PIBF1: variants seen among roughly 807,000 people sequenced by gnomAD.
PIBF1 encodes the protein progesterone-induced-blocking factor 1.
PIBF1 carries 90 observed loss-of-function variants against 112.5 expected under a neutral mutation model. The observed-to-expected ratio is 0.80, with a 90% CI of 0.67 to 0.95. PIBF1 has a LOEUF of 0.95. Ranked by LOEUF, PIBF1 falls within the 40% of genes least tolerant of loss-of-function variation. The pLI, the probability that PIBF1 is intolerant of heterozygous loss-of-function variation, is 0.00. For synonymous variants in PIBF1, 301 were observed against 288.6 expected, an observed-to-expected ratio of 1.04 and a Z score of -0.44; for missense variants, 915 against 852.3, an observed-to-expected ratio of 1.07 and a Z score of -0.92.
chr13:72,990,749 G>A (rs573109701), intron 16 of PIBF1, among the ~76,000 whole-genome samples: 4 of 151,720 alleles, frequency 2.6e-5, no homozygotes, highest in African/African-American at 9.7e-5. Context: ...TCAGGAGACT[G>A]AGGTAGGAGA....
At chr13:72,839,781 G>A (rs1277235710) in intron 9 of PIBF1, among the ~76,000 whole-genome samples, 1 of 152,134 alleles carries the variant, frequency 6.6e-6, no homozygotes, top group Non-Finnish European at 1.5e-5. Flanking sequence ...AAATGTGGTT[G>A]GTAGGGGTAG....
chr13:72,937,508 C>T lies in PIBF1; in HGVS notation c.1833+6241C>T, dbSNP rs563780002. On this transcript the variant is annotated intron_variant, in intron 14 of 17. Coordinates refer to ENST00000326291, the MANE Select transcript of PIBF1 (RefSeq NM_006346.4). ...ACATATAAACTCCCATACTACATTACTGCTATTATTACTTAAACAGTGATA... is the reference window on the plus strand; with the variant it reads ...ACATATAAACTCCCATACTACATTATTGCTATTATTACTTAAACAGTGATA... Among the ~76,000 whole-genome samples the T allele has an allele frequency of 3.9e-5, 6 of 152,248 alleles. No homozygotes were observed. The East Asian group carries it at 9.7e-4, about 25-fold the overall frequency.
chr13:72,979,953 A>G (rs2043116366), intron 16 of PIBF1, among the ~76,000 whole-genome samples: 1 of 152,142 alleles, frequency 6.6e-6, no homozygotes, highest in Admixed American at 6.6e-5. Flanking sequence ...ATTAAGAAGC[A>G]TAATCACGGT....
At chr13:72,914,167 T>C (rs555754758) in intron 12 of PIBF1, among the ~76,000 whole-genome samples, 41 of 152,334 alleles carry the variant, frequency 2.7e-4, no homozygotes, top group Middle Eastern at 6.8e-3. Context: ...AGGCTTGCCA[T>C]TTAATTCGGG....
At chr13:72,851,065 C>T (rs1226242926) in intron 9 of PIBF1, among the ~76,000 whole-genome samples, 1 of 152,174 alleles carries the variant, frequency 6.6e-6, no homozygotes, top group Non-Finnish European at 1.5e-5. Context: ...ATATTGATGG[C>T]AGCAGCGGCC....
At position 72,827,211 on chromosome 13, in the gene PIBF1, G is replaced by A. The variant is rs74477920; in HGVS notation, c.915+93G>A. The A allele has an allele frequency of 4.6e-3, 1,228 of 267,346 alleles. 13 individuals are homozygous for A. The highest frequency in any genetic ancestry group is 0.034 in the African/African-American group (1,155 of 34,262). The allele number at this position is 267,346 out of a possible 1,614,324, so 16.6% of individuals were successfully genotyped here. ...GATTTGAAGGAGAGACATTTTTTTT[G>A]TTATGTAGTTCCTCCCAAAAAGATA... On this transcript the variant is annotated intron_variant, in intron 7 of 17. Transcript: ENST00000326291.
intron 14 of PIBF1, among the ~76,000 whole-genome samples, chr13:72,960,120 T>A (rs2042565565): frequency 2.0e-5 from 3 of 152,208 alleles, no homozygotes; most frequent in Non-Finnish European, 4.4e-5. Context: ...ACAAACAGGT[T>A]TATAAAGAAA....
intron 10 of PIBF1, among the ~76,000 whole-genome samples, chr13:72,855,645 T>G: frequency 6.6e-6 from 1 of 151,982 alleles, no homozygotes; most frequent in African/African-American, 2.4e-5. Flanking sequence ...TGAGACTCTG[T>G]CTCAAAAAAA....
chr13:72,972,073 C>A (rs983523329), intron 15 of PIBF1, among the ~76,000 whole-genome samples: 5 of 151,590 alleles, frequency 3.3e-5, no homozygotes, highest in African/African-American at 4.9e-5. Flanking sequence ...CTCACTCTGT[C>A]TCCCAGGCTG....
chr13:72,967,023 C>T (rs563163741), intron 15 of PIBF1, among the ~76,000 whole-genome samples: 1 of 151,416 alleles, frequency 6.6e-6, no homozygotes, highest in East Asian at 2.0e-4. Context: ...ATAACCTCTG[C>T]CTCCCGGGTT....
intron 9 of PIBF1, among the ~76,000 whole-genome samples, chr13:72,846,081 C>T (rs561036526): frequency 6.6e-6 from 1 of 152,218 alleles, no homozygotes; most frequent in African/African-American, 2.4e-5. Context: ...GTTGGTTCCT[C>T]CTCATCTTCT....
chr13:72,793,714 G>A (rs2035051000), intron 3 of PIBF1, among the ~76,000 whole-genome samples: 1 of 152,204 alleles, frequency 6.6e-6, no homozygotes, highest in South Asian at 2.1e-4. Context: ...TTGGAGGGCT[G>A]ATGGATTCAA....
chr13:72,946,895 G>A (rs1264054824), intron 14 of PIBF1, among the ~76,000 whole-genome samples: 1 of 152,204 alleles, frequency 6.6e-6, no homozygotes. Flanking sequence ...GGCTGGCAGT[G>A]TCTACAACTT....
intron 5 of PIBF1, among the ~76,000 whole-genome samples, chr13:72,819,684 A>G (rs1015415100): frequency 6.6e-5 from 10 of 152,060 alleles, no homozygotes; most frequent in Non-Finnish European, 1.2e-4. Context: ...TCGACAATGT[A>G]TATAAAATAG....
chr13:72,789,939 G>A (rs1363500699), intron 2 of PIBF1, among the ~76,000 whole-genome samples: 1 of 152,100 alleles, frequency 6.6e-6, no homozygotes, highest in Non-Finnish European at 1.5e-5. Context: ...GTAATTATAA[G>A]GAATGTGTTT....
At chr13:72,975,249 T>C (rs1375196224) in intron 16 of PIBF1, among the ~76,000 whole-genome samples, 1 of 152,076 alleles carries the variant, frequency 6.6e-6, no homozygotes, top group Non-Finnish European at 1.5e-5. Context: ...GAGACTGGGT[T>C]TCGGCATGGT....
chr13:72,977,000 C>T (rs912824454), intron 16 of PIBF1, among the ~76,000 whole-genome samples: 1 of 152,068 alleles, frequency 6.6e-6, no homozygotes, highest in Non-Finnish European at 1.5e-5. Context: ...TGCTTCTTTA[C>T]CTAAGGCCGC....
At chr13:72,904,846 A>C (rs1032286445) in intron 11 of PIBF1, among the ~76,000 whole-genome samples, 3 of 151,898 alleles carry the variant, frequency 2.0e-5, no homozygotes. Flanking sequence ...AGCTGTATGC[A>C]CTGGATTTTT....
intron 9 of PIBF1, among the ~76,000 whole-genome samples, chr13:72,848,200 G>A (rs926421911): frequency 2.0e-5 from 3 of 152,136 alleles, no homozygotes; most frequent in African/African-American, 4.8e-5. Flanking sequence ...AGGCTCAGAC[G>A]TATTCCTTGC....
Sources: allele counts gnomAD v4.1 joint callset (sites outside exome capture counted in the v4.1 genomes callset), GRCh38; gene constraint gnomAD v4.1.1; transcripts MANE v1.5; gene names NCBI Gene and HGNC (gene_info 2026-07-23, HGNC 2026-07-21).